Variants in CNTNAP4 observed in about 807,000 individuals in gnomAD.
The protein encoded by CNTNAP4 is contactin associated protein family member 4, also known as contactin-associated protein-like 4.
In CNTNAP4, 98 loss-of-function variants were observed where a neutral mutation model predicts 148.4. The observed-to-expected ratio is 0.66, with a 90% CI of 0.56 to 0.78. The LOEUF (loss-of-function observed/expected upper bound fraction) is 0.78, where lower values mean the gene tolerates loss of function less well. Among genes scored for constraint, CNTNAP4 ranks in the 30% least tolerant of loss-of-function variants. CNTNAP4 has a pLI of 0.00. For missense variants in CNTNAP4, 1,935 were observed against 1,565.6 expected, an observed-to-expected ratio of 1.24 and a Z score of -3.98; for synonymous variants, 730 against 565.1, an observed-to-expected ratio of 1.29 and a Z score of -4.14.
At chr16:76,332,288 T>C (rs1003065832) in intron 2 of CNTNAP4, among the ~76,000 whole-genome samples, 2 of 152,156 alleles carry the variant, frequency 1.3e-5, no homozygotes, top group African/African-American at 4.8e-5. Context: ...TGAGACAGGA[T>C]GTCATTCTGT....
intron 13 of CNTNAP4, among the ~76,000 whole-genome samples, chr16:76,491,235 C>T (rs1396794880): frequency 6.6e-6 from 1 of 152,168 alleles, no homozygotes; most frequent in Admixed American, 6.5e-5. Context: ...AACTTACCTC[C>T]TCCTGGAACC....
At chr16:76,309,420 G>T (rs1013297091) in intron 1 of CNTNAP4, among the ~76,000 whole-genome samples, 3 of 152,216 alleles carry the variant, frequency 2.0e-5, no homozygotes, top group Non-Finnish European at 2.9e-5. Context: ...AAAGGGGCAG[G>T]CTCAGGTATG....
At chr16:76,525,590 T>G (rs933426406) in intron 17 of CNTNAP4, among the ~76,000 whole-genome samples, 3 of 146,292 alleles carry the variant, frequency 2.1e-5, no homozygotes, top group South Asian at 2.1e-4. Context: ...TATAAAAAAT[T>G]TTATATAACT....
intron 2 of CNTNAP4, among the ~76,000 whole-genome samples, chr16:76,320,368 C>G (rs1327286492): frequency 6.6e-6 from 1 of 152,108 alleles, no homozygotes; most frequent in Non-Finnish European, 1.5e-5. Context: ...GAGAAAGAAA[C>G]TGATAAGCAA....
chr16:76,347,038 C>G (rs1964960024), intron 2 of CNTNAP4, among the ~76,000 whole-genome samples: 1 of 152,050 alleles, frequency 6.6e-6, no homozygotes, highest in Admixed American at 6.6e-5. Context: ...GAAAAAGCAT[C>G]TCTTTTTCAT....
At chr16:76,341,731 C>T (rs188033926) in intron 2 of CNTNAP4, among the ~76,000 whole-genome samples, 1 of 151,826 alleles carries the variant, frequency 6.6e-6, no homozygotes, top group Non-Finnish European at 1.5e-5. Context: ...ATTTAGTCTT[C>T]AGCATCCAAA....
chr16:76,553,859 A>G lies in CNTNAP4; in HGVS notation c.3685A>G (p.Arg1229Gly). 1 of 1,612,370 alleles carries G rather than the reference A, an allele frequency of 6.2e-7. No individual in the cohort carries two copies. Among genetic ancestry groups the G allele is most frequent in the South Asian group, 1.1e-5 (1 of 90,974 alleles). The change falls in exon 23 of 24, where the codon AGA (arginine) becomes GGA (glycine). Residue 1229 changes from arginine to glycine, a missense_variant. Physicochemically the swap from Arg to Gly is moderately radical, Grantham distance 125. Transcript: ENST00000611870. ...FADHSGTIDD[R>G]EPLANAIKSD... ...AGATCATTCTGGAACAATAGATGAC[A>G]GAGAGCCCCTTGCTAATGCAATCAA...
intron 12 of CNTNAP4, among the ~76,000 whole-genome samples, chr16:76,483,231 A>AACACACACACAC (rs59206208): frequency 0.01 from 1,438 of 140,068 alleles, 19 homozygotes; most frequent in Middle Eastern, 0.032. Context: ...AGTTTTAAGA[A>AACACACACACAC]ACACACACAC....
At chr16:76,437,342 G>C (rs1303823753) in intron 4 of CNTNAP4, among the ~76,000 whole-genome samples, 1 of 151,992 alleles carries the variant, frequency 6.6e-6, no homozygotes, top group South Asian at 2.1e-4. Flanking sequence ...GCATACTTCA[G>C]TCCAATCAAG....
chr16:76,484,992 A>G (rs948506127), intron 12 of CNTNAP4, among the ~76,000 whole-genome samples: 5 of 152,232 alleles, frequency 3.3e-5, no homozygotes, highest in African/African-American at 9.6e-5. Flanking sequence ...TTTTGAATGG[A>G]TAATTTCTTA....
intron 2 of CNTNAP4, 142 bp downstream of exon 2, chr16:76,316,665 A>G (rs1053955048): frequency 4.7e-6 from 3 of 634,322 alleles, no homozygotes; most frequent in East Asian, 5.5e-5. Context: ...CATGAGATGT[A>G]TATGACATCT....
intron 1 of CNTNAP4, among the ~76,000 whole-genome samples, chr16:76,298,378 G>A (rs920158231): frequency 6.6e-6 from 1 of 152,110 alleles, no homozygotes; most frequent in African/African-American, 2.4e-5. Context: ...TTGGGTGGGA[G>A]AAAGTAGAAT....
At chr16:76,423,011 A>G (rs1156497876) in intron 3 of CNTNAP4, among the ~76,000 whole-genome samples, 1 of 152,136 alleles carries the variant, frequency 6.6e-6, no homozygotes, top group Non-Finnish European at 1.5e-5. Flanking sequence ...GTTTCCTTAT[A>G]AAAGAGACCC....
At chr16:76,552,173 T>G (rs1448201364) in intron 21 of CNTNAP4, among the ~76,000 whole-genome samples, 3 of 152,128 alleles carry the variant, frequency 2.0e-5, no homozygotes, top group Admixed American at 1.3e-4. Flanking sequence ...CAAACACTTA[T>G]AAAACTATCA....
At chr16:76,512,461 G>C (rs947481522) in intron 15 of CNTNAP4, among the ~76,000 whole-genome samples, 2 of 152,144 alleles carry the variant, frequency 1.3e-5, no homozygotes, top group African/African-American at 4.8e-5. Flanking sequence ...GTTGTAGTTT[G>C]CAAAAGGAAA....
chr16:76,299,762 T>C (rs567251263), intron 1 of CNTNAP4, among the ~76,000 whole-genome samples: 1 of 152,266 alleles, frequency 6.6e-6, no homozygotes, highest in South Asian at 2.1e-4. Flanking sequence ...CCAACAATGA[T>C]AGACTGGATT....
intron 3 of CNTNAP4, among the ~76,000 whole-genome samples, chr16:76,406,500 C>T (rs944220279): frequency 6.6e-6 from 1 of 151,856 alleles, no homozygotes; most frequent in Non-Finnish European, 1.5e-5. Context: ...GAAATGACTG[C>T]ACTTAGGAAG....
At chr16:76,334,761 C>T (rs540253406) in intron 2 of CNTNAP4, among the ~76,000 whole-genome samples, 2 of 152,124 alleles carry the variant, frequency 1.3e-5, no homozygotes, top group Admixed American at 6.5e-5. Flanking sequence ...TGGCTTTGGA[C>T]GTGCAGGAAA....
chr16:76,435,442 A>G (rs1031929663), intron 4 of CNTNAP4, among the ~76,000 whole-genome samples: 1 of 152,024 alleles, frequency 6.6e-6, no homozygotes, highest in Non-Finnish European at 1.5e-5. Flanking sequence ...GAGTGCCACC[A>G]CTTGGTTCCT....
Sources: gnomAD v4.1 joint callset for allele counts (sites outside exome capture counted in the v4.1 genomes callset) on GRCh38, gnomAD v4.1.1 for gene constraint, MANE v1.5 for transcripts, NCBI Gene and HGNC (gene_info 2026-07-23, HGNC 2026-07-21) for gene names.